OTOG: variants seen among roughly 807,000 people sequenced by gnomAD.
The protein encoded by OTOG is otogelin.
OTOG carries 296 observed loss-of-function variants against 313.8 expected under a neutral mutation model. The ratio of observed to expected loss-of-function variants is 0.94; its 90% CI spans 0.86 to 1.04. The LOEUF (loss-of-function observed/expected upper bound fraction) is 1.04, where lower values mean the gene tolerates loss of function less well. OTOG is among the 50% of genes least tolerant of loss of function. OTOG has a pLI of 0.00. For synonymous variants in OTOG, 1,533 were observed against 1,554.9 expected (o/e 0.99, Z 0.33); for missense variants, 3,948 against 3,840.1 (o/e 1.03, Z -0.74).
At chr11:17,608,650 A>G (rs1347697481) in intron 34 of OTOG, among the ~76,000 whole-genome samples, 1 of 152,192 alleles carries the variant, frequency 6.6e-6, no homozygotes, top group East Asian at 1.9e-4. Context: ...ACAACTGTGC[A>G]TTCGTTGTAC....
chr11:17,604,307 C>T (rs777509925), intron 32 of OTOG, among the ~76,000 whole-genome samples: 7 of 152,204 alleles, frequency 4.6e-5, no homozygotes, highest in Middle Eastern at 3.2e-3. Context: ...AGCCTTGATC[C>T]GGGCCAACCC....
In OTOG at chr11:17,611,300, A is replaced by T; in HGVS notation, c.6000A>T (p.Ala2000=). The T allele has an allele frequency of 1.3e-6, 2 of 1,550,576 alleles. No individual in the cohort carries two copies. Among genetic ancestry groups the T allele is most frequent in the South Asian group, 2.4e-5 (2 of 84,054 alleles). ...HGTSAGPHLA[A]EPVDEATTEP... The stretch of plus-strand genomic sequence containing the variant: ...CCTCGGCAGGGCCTCACCTGGCAGC[A>T]GAGCCGGTGGACGAGGCCACCACAG... Residue 2000 remains alanine (A), a synonymous_variant, in exon 36 of 56, where the codon GCA becomes GCT. Coordinates refer to ENST00000399397, the MANE Select transcript of OTOG (RefSeq NM_001292063.2).
At chr11:17,639,365 G>A in intron 48 of OTOG, 58 bp from the exon 49 acceptor site, 2 of 1,527,348 alleles carry the variant, frequency 1.3e-6, no homozygotes, top group Non-Finnish European at 1.8e-6. Context: ...AGGGTACCCA[G>A]GGGATTCCTA....
chr11:17,619,416 T>G (rs1179034692), intron 39 of OTOG, among the ~76,000 whole-genome samples: 1 of 152,220 alleles, frequency 6.6e-6, no homozygotes, highest in African/African-American at 2.4e-5. Context: ...CTCAACATAG[T>G]GATGTTTATA....
rs894125034 is a variant in OTOG at position 17,609,554 on chromosome 11, G to C, written c.4355-101G>C. On this transcript the variant is annotated intron_variant, in intron 35 of 55. Coordinates refer to ENST00000399397, the MANE Select transcript of OTOG (RefSeq NM_001292063.2). ...TAGAAGCTGCCCTCACCCCATCACC[G>C]AGAGTGCCAGTCCTCAAGCCTCACA... 16 of 1,096,118 alleles carry C rather than the reference G, an allele frequency of 1.5e-5. No individual in the cohort carries two copies. In the African/African-American group the frequency reaches 2.4e-4, roughly 16 times the overall value. 67.9% of individuals were successfully genotyped at this position (1,096,118 alleles called of 1,614,324 possible). A position where few individuals can be genotyped will look rare whatever the true frequency, so the allele number is the denominator to read the frequency against.
chr11:17,597,686 G>T (rs1034003513), intron 30 of OTOG, among the ~76,000 whole-genome samples: 2 of 152,168 alleles, frequency 1.3e-5, no homozygotes, highest in African/African-American at 4.8e-5. Context: ...ATATTTAAAA[G>T]ATGAAAGAAA....
At chr11:17,639,015 T>C (rs1266897145) in intron 48 of OTOG, 3 of 347,314 alleles carry the variant, frequency 8.6e-6, no homozygotes, top group African/African-American at 4.2e-5. Context: ...ATAGCGCCAC[T>C]GCACTCCAGC....
intron 42 of OTOG, among the ~76,000 whole-genome samples, chr11:17,633,318 C>A (rs1854178045): frequency 6.6e-6 from 1 of 152,206 alleles, no homozygotes; most frequent in Non-Finnish European, 1.5e-5. Flanking sequence ...CGGTAAAGAG[C>A]CAGAAAGTAA....
intron 39 of OTOG, among the ~76,000 whole-genome samples, chr11:17,619,096 C>T (rs1241530480): frequency 6.6e-6 from 1 of 152,100 alleles, no homozygotes; most frequent in Non-Finnish European, 1.5e-5. Context: ...AACACAATCC[C>T]TACTAAAAAT....
chr11:17,612,847 T>C, intron 38 of OTOG, 82 bp downstream of exon 38: 3 of 1,447,258 alleles, frequency 2.1e-6, no homozygotes, highest in Non-Finnish European at 2.8e-6. Flanking sequence ...TGAGCCAGGG[T>C]ACCAGAGGCA....
At chr11:17,554,999 G>A (rs1489473784) in intron 6 of OTOG, among the ~76,000 whole-genome samples, 1 of 152,166 alleles carries the variant, frequency 6.6e-6, no homozygotes, top group Non-Finnish European at 1.5e-5. Context: ...TTAGACCATG[G>A]GGTAGCTTTC....
intron 44 of OTOG, among the ~76,000 whole-genome samples, chr11:17,634,496 C>T (rs539160810): frequency 2.0e-5 from 3 of 152,014 alleles, no homozygotes; most frequent in Non-Finnish European, 4.4e-5. Flanking sequence ...AGCCTGGCCA[C>T]TCTTCCTCCC....
chr11:17,632,355 C>T (rs998202765), intron 42 of OTOG, 129 bp downstream of exon 42: 11 of 778,392 alleles, frequency 1.4e-5, no homozygotes, highest in Non-Finnish European at 1.9e-5. Context: ...GATTTATGTA[C>T]ATTAGTAAAT....
In OTOG at chr11:17,561,680, G is replaced by C; in HGVS notation, c.1517G>C (p.Gly506Ala). The change falls in exon 15 of 56, where the codon GGT becomes GCT. Residue 506 changes from glycine (G) to alanine (A), a missense_variant. By Grantham distance (60) the Gly-to-Ala change is moderately conservative. Coordinates refer to ENST00000399397, the MANE Select transcript of OTOG (RefSeq NM_001292063.2). ...AVCPAECSVT[G>A]DIHFTTFDGR... is the part of the protein sequence containing the mutation. Reference sequence around the variant, plus strand: ...CTCTCAGCTGAGTGCTCAGTGACTGGTGACATTCACTTCACAACCTTTGAT... The same window carrying C: ...CTCTCAGCTGAGTGCTCAGTGACTGCTGACATTCACTTCACAACCTTTGAT... The C allele has an allele frequency of 1.3e-6, 2 of 1,550,550 alleles. No individual in the cohort carries two copies. The highest frequency in any genetic ancestry group is 1.2e-5 in the South Asian group (1 of 84,054).
chr11:17,606,478 G>A (rs1853393195), intron 33 of OTOG, among the ~76,000 whole-genome samples: 1 of 152,230 alleles, frequency 6.6e-6, no homozygotes, highest in African/African-American at 2.4e-5. Context: ...CAGTTTTCTT[G>A]CTGATGAGGT....
intron 54 of OTOG, among the ~76,000 whole-genome samples, chr11:17,644,896 G>T (rs1388385309): frequency 6.6e-6 from 1 of 152,176 alleles, no homozygotes; most frequent in Non-Finnish European, 1.5e-5. Flanking sequence ...AGGGGAATCA[G>T]GTAATGCCTG....
rs984207650 is a variant in OTOG, at chr11:17,643,442, C to T, written c.8416-19C>T. 7.7e-6 allele frequency: 11 copies of T among 1,431,454 alleles called. No homozygotes were observed. In the African/African-American group the frequency reaches 1.2e-4, roughly 15 times the overall value. The allele number at this position is 1,431,454 out of a possible 1,614,324, so 88.7% of individuals were successfully genotyped here. Reference sequence around the variant, plus strand: ...GGGGTCTCCACACCTACCTACCTCCCCCGACTTCCTCTCTCTAGGTTGGGG... The same window carrying T: ...GGGGTCTCCACACCTACCTACCTCCTCCGACTTCCTCTCTCTAGGTTGGGG... On this transcript the variant is annotated intron_variant, in intron 53 of 55. Coordinates refer to ENST00000399397, the MANE Select transcript of OTOG (RefSeq NM_001292063.2).
chr11:17,591,489 T>G lies in OTOG; in HGVS notation c.2907T>G (p.Pro969=). 6.4e-7 allele frequency: 1 copy of G among 1,550,726 alleles called. No homozygotes were observed. Among genetic ancestry groups the G allele is most frequent in the Non-Finnish European group, 8.7e-7 (1 of 1,147,018 alleles). ...QRGSFQCTLH[P]CASTCTAYGD... is the part of the protein sequence containing the mutation. ...GCTCATTCCAGTGCACCCTGCACCC[T>G]TGCGCCTCCACCTGCACTGCCTATG... The change falls in exon 25 of 56, where the codon CCT becomes CCG. Residue 969 remains proline, a synonymous_variant. Transcript: ENST00000399397.
intron 47 of OTOG, 109 bp from the exon 48 acceptor site, chr11:17,638,342 A>T: frequency 1.1e-6 from 1 of 926,404 alleles, no homozygotes; most frequent in South Asian, 1.7e-5. Context: ...AGTGGGGGTC[A>T]CTAAGGAGGA....
Sources: allele counts gnomAD v4.1 joint callset (sites outside exome capture counted in the v4.1 genomes callset), GRCh38; gene constraint gnomAD v4.1.1; transcripts MANE v1.5; gene names NCBI Gene and HGNC (gene_info 2026-07-23, HGNC 2026-07-21).